The following SHISA7 variants were observed in gnomAD, a reference collection of about 807,000 sequenced individuals.
SHISA7 encodes protein shisa-7.
In SHISA7, 6 loss-of-function variants were observed where a neutral mutation model predicts 23.9. The observed-to-expected ratio is 0.25, with a 90% CI of 0.14 to 0.50. The LOEUF is 0.50. SHISA7 is among the 20% of genes least tolerant of loss of function. The probability of loss-of-function intolerance (pLI) is 0.98; values close to 1 mark genes in which losing one functional copy is unlikely to be tolerated. For missense variants in SHISA7, 671 were observed against 801.1 expected (o/e 0.84, Z 1.96); for synonymous variants, 386 against 398.3 (o/e 0.97, Z 0.37).
chr19:55,434,373 G>T (rs1484805565), intron 3 of SHISA7, among the ~76,000 whole-genome samples: 1 of 139,862 alleles, frequency 7.1e-6, no homozygotes, highest in African/African-American at 2.7e-5. Context: ...TGTGTGTGTG[G>T]TGTGTATGTG....
chr19:55,442,906 G>T lies in SHISA7; in HGVS notation c.-43C>A. The T allele has an allele frequency of 1.7e-6, 2 of 1,185,984 alleles. No individual in the cohort carries two copies. The highest frequency in any genetic ancestry group is 4.3e-5 in the South Asian group (2 of 46,236). The allele number at this position is 1,185,984 out of a possible 1,614,324, so 73.5% of individuals were successfully genotyped here. On this transcript the variant is annotated 5_prime_UTR_variant, in exon 1 of 4. Transcript: ENST00000376325. ...GCACTGGGCCGCCAGGCTGCGGGGA[G>T]AACGAGAGCAGAGGTTGGAGCGCTG...
In SHISA7 at chr19:55,433,499, C is replaced by T. The variant is rs936503094; in HGVS notation, c.1274G>A (p.Arg425His). The change falls in exon 4 of 4, where the codon CGC becomes CAC. Residue 425 changes from arginine to histidine, a missense_variant. This residue lies in a region of SHISA7 where 457 missense variants were observed against 488.3 expected (regional missense o/e 0.94). Transcript: ENST00000376325. The surrounding 1 kb of genome is among the most constrained non-coding windows in gnomAD (Gnocchi z 8.4). Reference protein sequence around the residue: ...LSSPEALRQSREHLLSPPRSP... With the variant: ...LSSPEALRQSHEHLLSPPRSP... ...GCGCGGGGGCGACAGCAGGTGCTCG[C>T]GACTCTGGCGCAGGGCCTCGGGCGA... The T allele has an allele frequency of 1.4e-6, 2 of 1,454,940 alleles. No individual in the cohort carries two copies. Among genetic ancestry groups the T allele is most frequent in the Non-Finnish European group, 1.8e-6 (2 of 1,110,522 alleles). 90.1% of individuals were successfully genotyped at this position (1,454,940 alleles called of 1,614,324 possible). A position where few individuals can be genotyped will look rare whatever the true frequency, so the allele number is the denominator to read the frequency against.
chr19:55,439,476 G>A (rs1985544071), intron 2 of SHISA7, among the ~76,000 whole-genome samples: 1 of 152,152 alleles, frequency 6.6e-6, no homozygotes, highest in African/African-American at 2.4e-5. Context: ...ACTGCTGGCT[G>A]TGTTGCTCCT....
At position 55,442,872 on chromosome 19, in the gene SHISA7, C is replaced by T. The variant is rs1277316607; in HGVS notation, c.-9G>A. The T allele has an allele frequency of 7.4e-7, 1 of 1,348,004 alleles. No individual in the cohort carries two copies. 83.5% of individuals were successfully genotyped at this position (1,348,004 alleles called of 1,614,324 possible). A position where few individuals can be genotyped will look rare whatever the true frequency, so the allele number is the denominator to read the frequency against. On this transcript the variant is annotated 5_prime_UTR_variant, in exon 1 of 4. Coordinates refer to ENST00000376325, the MANE Select transcript of SHISA7 (RefSeq NM_001145176.2). ...AGCAGGAGGGCCGGCATGGGGCTTG[C>T]AGGGGGTCGCACTGGGCCGCCAGGC...
chr19:55,440,475 C>T (rs927704012), intron 2 of SHISA7, 136 bp downstream of exon 2: 12 of 826,682 alleles, frequency 1.5e-5, no homozygotes, highest in African/African-American at 8.8e-5. Context: ...GGGCAGGACC[C>T]GGCAGTGCAA....
Position 55,430,884 on chromosome 19 carries a change from G to A in SHISA7, c.*2272C>T, listed in dbSNP as rs1985174276. ...CAGCACTGGACCTCATGGATCCTGG[G>A]AGATGATGACACCAGGGTTATGGTG... On this transcript the variant is annotated 3_prime_UTR_variant, in exon 4 of 4. Transcript: ENST00000376325. 6.7e-6 allele frequency: 1 copy of A among 148,904 alleles called. No homozygotes were observed. The highest frequency in any genetic ancestry group is 1.5e-5 in the Non-Finnish European group (1 of 67,454). The allele number at this position is 148,904 out of a possible 1,614,324, so 9.2% of individuals were successfully genotyped here.
intron 3 of SHISA7, among the ~76,000 whole-genome samples, chr19:55,434,844 T>TG (rs1985369063): frequency 9.3e-6 from 1 of 107,236 alleles, no homozygotes; most frequent in East Asian, 3.0e-4. Flanking sequence ...GTGTGGTGTG[T>TG]GTGTGCGTGT....
At chr19:55,440,001 AATATG>A (rs1366868715) in intron 2 of SHISA7, among the ~76,000 whole-genome samples, 11 of 150,492 alleles carry the variant, frequency 7.3e-5, no homozygotes, top group Non-Finnish European at 1.2e-4. Context: ...TACAATATTA[AATATG>A]ATATATCATA....
At chr19:55,439,012 AGCCTCTG>A (rs1383961494) in intron 2 of SHISA7, among the ~76,000 whole-genome samples, 2 of 152,212 alleles carry the variant, frequency 1.3e-5, no homozygotes, top group African/African-American at 4.8e-5. Flanking sequence ...TCACCAAAGC[AGCCTCTG>A]GCCATCCAGC....
rs1985170426 is a variant in SHISA7, at chr19:55,430,801, T to C, written c.*2355A>G. Reference sequence around the variant, plus strand: ...TGGATGGTGACAGCACTGGACCTCATGGATCCTGGGAGAAGATGACACCAG... The same window carrying C: ...TGGATGGTGACAGCACTGGACCTCACGGATCCTGGGAGAAGATGACACCAG... On this transcript the variant is annotated 3_prime_UTR_variant, in exon 4 of 4. Transcript: ENST00000376325. 2 of 150,906 alleles carry C rather than the reference T, an allele frequency of 1.3e-5. No individual in the cohort carries two copies. The highest frequency in any genetic ancestry group is 2.1e-4 in the South Asian group (1 of 4,778). 9.3% of individuals were successfully genotyped at this position (150,906 alleles called of 1,614,324 possible). A position where few individuals can be genotyped will look rare whatever the true frequency, so the allele number is the denominator to read the frequency against.
At chr19:55,438,498 C>T in intron 2 of SHISA7, 1 of 1,280,602 alleles carries the variant, frequency 7.8e-7, no homozygotes, top group Non-Finnish European at 1.0e-6. Context: ...GCATGGCTGG[C>T]CCAACACAAA....
At chr19:55,437,980 C>T (rs1305571116) in intron 2 of SHISA7, among the ~76,000 whole-genome samples, 1 of 149,642 alleles carries the variant, frequency 6.7e-6, no homozygotes, top group African/African-American at 2.5e-5. Context: ...CCCCTCCTCC[C>T]TCAGACCCAG....
rs1237766585 is a variant in SHISA7, at chr19:55,431,175, T to C, written c.*1981A>G. 1 of 152,126 alleles carries C rather than the reference T, an allele frequency of 6.6e-6. No homozygotes were observed. The highest frequency in any genetic ancestry group is 1.5e-5 in the Non-Finnish European group (1 of 68,050). The allele number at this position is 152,126 out of a possible 1,614,324, so 9.4% of individuals were successfully genotyped here. A position where few individuals can be genotyped will look rare whatever the true frequency, so the allele number is the denominator to read the frequency against. ...AATCCTGGGAGGTGGTGGCACATGG[T>C]TGAAGTGGATCCCTGGAGATGATGA... is the stretch of plus-strand genomic sequence containing the variant. On this transcript the variant is annotated 3_prime_UTR_variant, in exon 4 of 4. Coordinates refer to ENST00000376325, the MANE Select transcript of SHISA7 (RefSeq NM_001145176.2).
Position 55,431,385 on chromosome 19 carries a change from G to A in SHISA7, c.*1771C>T, listed in dbSNP as rs1288673637. The A allele has an allele frequency of 1.3e-5, 2 of 152,082 alleles. No homozygotes were observed. The highest frequency in any genetic ancestry group is 6.5e-5 in the Admixed American group (1 of 15,268). 9.4% of individuals were successfully genotyped at this position (152,082 alleles called of 1,614,324 possible). A position where few individuals can be genotyped will look rare whatever the true frequency, so the allele number is the denominator to read the frequency against. On this transcript the variant is annotated 3_prime_UTR_variant, in exon 4 of 4. Transcript: ENST00000376325. ...GGTAATGTCATCACTGGTCATGGTG[G>A]AATCTAGGAGATGATGACACCGTCA...
At position 55,432,833 on chromosome 19, in the gene SHISA7, G is replaced by A. The variant is rs1316029587; in HGVS notation, c.*323C>T. On this transcript the variant is annotated 3_prime_UTR_variant, in exon 4 of 4. Transcript: ENST00000376325. The surrounding 1 kb of genome is among the most constrained non-coding windows in gnomAD (Gnocchi z 4.6). Reference sequence around the variant, plus strand: ...GCCTCCAGCGCTGACCTCACGGGCCGGCCTCTTCCTCTGTGATGACCTCAT... The same window carrying A: ...GCCTCCAGCGCTGACCTCACGGGCCAGCCTCTTCCTCTGTGATGACCTCAT... 3.4e-6 allele frequency: 1 copy of A among 294,770 alleles called. No homozygotes were observed. The highest frequency in any genetic ancestry group is 6.3e-6 in the Non-Finnish European group (1 of 157,830). 18.3% of individuals were successfully genotyped at this position (294,770 alleles called of 1,614,324 possible).
At chr19:55,438,029 C>T (rs548414934) in intron 2 of SHISA7, among the ~76,000 whole-genome samples, 1 of 116,146 alleles carries the variant, frequency 8.6e-6, no homozygotes, top group Admixed American at 8.8e-5. Context: ...CAGACCCAGG[C>T]GTCCAGGCCC....
chr19:55,441,500 C>A (rs537561422), intron 1 of SHISA7, among the ~76,000 whole-genome samples: 8 of 152,366 alleles, frequency 5.3e-5, no homozygotes, highest in Admixed American at 4.6e-4. Context: ...CCTTTGCACG[C>A]GGTTCCCCTG....
At position 55,438,487 on chromosome 19, in the gene SHISA7, G is replaced by A. The variant is rs973540155; in HGVS notation, c.827-733C>T. Reference sequence around the variant, plus strand: ...CACTCCTGCTCTATACTGGGCACCTGGCATGGCTGGCCCAACACAAAGGGG... The same window carrying A: ...CACTCCTGCTCTATACTGGGCACCTAGCATGGCTGGCCCAACACAAAGGGG... On this transcript the variant is annotated intron_variant, in intron 2 of 3. Transcript: ENST00000376325. 4 of 1,245,660 alleles carry A rather than the reference G, an allele frequency of 3.2e-6. No homozygotes were observed. The Admixed American group carries it at 9.2e-5, about 29-fold the overall frequency. The allele number at this position is 1,245,660 out of a possible 1,614,324, so 77.2% of individuals were successfully genotyped here. A position where few individuals can be genotyped will look rare whatever the true frequency, so the allele number is the denominator to read the frequency against.
In SHISA7 at chr19:55,440,648, G is replaced by C. The variant is rs1336863020; in HGVS notation, c.789C>G (p.Pro263=). ...TCTTCACGGTGTTGTAGAGGTTCTT[G>C]GGCGTCCTGGGGGGCATGCTGTCGG... ...GGPDSMPPRT[P]KNLYNTVKTP... is the part of the protein sequence containing the mutation. Residue 263 remains proline, a synonymous_variant, in exon 2 of 4, where the codon CCC becomes CCG. Coordinates refer to ENST00000376325, the MANE Select transcript of SHISA7 (RefSeq NM_001145176.2). 4.0e-6 allele frequency: 5 copies of C among 1,249,638 alleles called. No individual in the cohort carries two copies. Among genetic ancestry groups the C allele is most frequent in the Non-Finnish European group, 5.1e-6 (5 of 988,234 alleles). 77.4% of individuals were successfully genotyped at this position (1,249,638 alleles called of 1,614,324 possible). A position where few individuals can be genotyped will look rare whatever the true frequency, so the allele number is the denominator to read the frequency against.
Sources: allele counts gnomAD v4.1 joint callset (sites outside exome capture counted in the v4.1 genomes callset), GRCh38; gene constraint gnomAD v4.1.1; regional missense constraint gnomAD v4.1.1; non-coding constraint Gnocchi (gnomAD v3.1); transcripts MANE v1.5; gene names NCBI Gene and HGNC (gene_info 2026-07-23, HGNC 2026-07-21).